Variants in GSN observed in about 807,000 individuals in gnomAD.
GSN encodes actin-depolymerizing factor.
A neutral mutation model predicts 85.7 loss-of-function variants in GSN; 56 were observed. The ratio of observed to expected loss-of-function variants is 0.65; its 90% CI spans 0.53 to 0.82. The LOEUF (loss-of-function observed/expected upper bound fraction) is 0.82. Ranked by LOEUF, GSN falls within the 40% of genes least tolerant of loss-of-function variation. The pLI is 0.00. For missense variants in GSN, 857 were observed against 979.8 expected (o/e 0.87, Z 1.67); for synonymous variants, 373 against 399.1 (o/e 0.93, Z 0.78).
At chr9:121,291,405 T>G (rs575520304) in intron 2 of GSN, among the ~76,000 whole-genome samples, 1 of 145,186 alleles carries the variant, frequency 6.9e-6, no homozygotes, top group Non-Finnish European at 1.5e-5. Flanking sequence ...CTGATATGTC[T>G]CCCCACTGGA....
At chr9:121,295,724 G>T (rs1216744470) in intron 2 of GSN, among the ~76,000 whole-genome samples, 1 of 152,158 alleles carries the variant, frequency 6.6e-6, no homozygotes, top group Non-Finnish European at 1.5e-5. Flanking sequence ...GGGGACATGG[G>T]CTGTACAGCC....
intron 4 of GSN, among the ~76,000 whole-genome samples, chr9:121,228,424 A>ATTT (rs869071386): frequency 1.5e-4 from 7 of 48,116 alleles, no homozygotes; most frequent in South Asian, 9.7e-4. Flanking sequence ...ATATATATAT[A>ATTT]TTTTTTTTTT....
chr9:121,312,488 G>C lies in GSN; in HGVS notation c.663G>C (p.Gln221His). The change falls in exon 6 of 18, where the codon CAG becomes CAC. Residue 221 changes from glutamine (Q) to histidine (H), a missense_variant and splice_region_variant. By Grantham distance (24) the Gln-to-His change is conservative. Transcript: ENST00000432226. ...GCACTGAGCCCGAGGCGATGCTCCA[G>C]GTGCCTGTGGGGTGCGCAATGGGGT... Reference protein sequence around the residue: ...EEGTEPEAMLQVLGPKPALPA... With the variant: ...EEGTEPEAMLHVLGPKPALPA... The C allele has an allele frequency of 3.1e-6, 5 of 1,609,972 alleles. No homozygotes were observed. The highest frequency in any genetic ancestry group is 4.2e-6 in the Non-Finnish European group (5 of 1,177,094).
chr9:121,312,843 G>C (rs1254633023), intron 6 of GSN: 2 of 169,814 alleles, frequency 1.2e-5, no homozygotes, highest in African/African-American at 4.8e-5. Flanking sequence ...GCTCAGGCTG[G>C]TCTCCAACTT....
At chr9:121,238,780 C>A in intron 5 of GSN, 2 of 511,428 alleles carry the variant, frequency 3.9e-6, no homozygotes, top group South Asian at 3.0e-5. Context: ...AAGTTCCTCT[C>A]AAACTTCTGC....
Position 121,310,774 on chromosome 9 carries a change from C to T in GSN, c.442C>T (p.Arg148Cys), listed in dbSNP as rs747805751. 6 of 1,613,980 alleles carry T rather than the reference C, an allele frequency of 3.7e-6. No homozygotes were observed. The highest frequency in any genetic ancestry group is 1.1e-5 in the South Asian group (1 of 91,078). Reference protein sequence around the residue: ...LFQVKGRRVVRATEVPVSWES... With the variant: ...LFQVKGRRVVCATEVPVSWES... ...CCAGGTCAAAGGGCGGCGTGTGGTC[C>T]GTGCCACCGAGGTACCTGTGTCCTG... The change falls in exon 5 of 18, where the codon CGT becomes TGT. Residue 148 changes from arginine to cysteine, a missense_variant. Transcript: ENST00000432226.
chr9:121,247,646 G>A (rs531219339), intron 5 of GSN, among the ~76,000 whole-genome samples: 1 of 152,284 alleles, frequency 6.6e-6, no homozygotes, highest in Non-Finnish European at 1.5e-5. Context: ...ATAGCTGTGG[G>A]TATTCTGTAG....
upstream of GSN, among the ~76,000 whole-genome samples, chr9:121,206,293 G>T (rs1033848718): frequency 6.6e-6 from 1 of 151,974 alleles, no homozygotes; most frequent in African/African-American, 2.4e-5. Flanking sequence ...TATGGCTGTC[G>T]ACATTAACCA....
intron 1 of GSN, among the ~76,000 whole-genome samples, chr9:121,273,150 G>A (rs533772354): frequency 2.0e-5 from 3 of 152,134 alleles, no homozygotes; most frequent in Admixed American, 2.0e-4. Flanking sequence ...ATGGAGCCTC[G>A]CAGGGAACTC....
In GSN at chr9:121,317,075, C is replaced by T. The variant is rs374057474; in HGVS notation, c.754-11C>T. The T allele has an allele frequency of 1.1e-4, 174 of 1,614,114 alleles. No individual in the cohort carries two copies. The highest frequency in any genetic ancestry group is 8.9e-4 in the East Asian group (40 of 44,882). On this transcript the variant is annotated splice_polypyrimidine_tract_variant and intron_variant, in intron 7 of 17. Coordinates refer to ENST00000432226, the MANE Select transcript of GSN (RefSeq NM_198252.3). ...ACTCATGTGCTGGTTCCTTCTGCTT[C>T]GTCCCCTCAGGTCTCCAATGGTGCA... is the stretch of plus-strand genomic sequence containing the variant.
rs1037927898 is a variant in GSN at position 121,219,277 on chromosome 9, T to A, written c.-528+8410T>A. On this transcript the variant is annotated intron_variant, in intron 4 of 24. Coordinates refer to the GSN transcript ENST00000373823. ...TTAGGGGATTTTTTTTTTTTTTTTTTAAATAGAGACTAGTCTCACCATGTT... is the reference window on the plus strand; with the variant it reads ...TTAGGGGATTTTTTTTTTTTTTTTTAAAATAGAGACTAGTCTCACCATGTT... Among the ~76,000 whole-genome samples the A allele has an allele frequency of 2.8e-4, 41 of 145,340 alleles. 2 individuals are homozygous for A. The East Asian group carries it at 4.6e-3, about 16-fold the overall frequency.
At chr9:121,301,393 A>G (rs1334738881) in intron 2 of GSN, among the ~76,000 whole-genome samples, 1 of 152,188 alleles carries the variant, frequency 6.6e-6, no homozygotes, top group East Asian at 1.9e-4. Context: ...TTGGGAGGCC[A>G]AGGCAGGTGG....
chr9:121,313,604 T>C (rs2061405084), intron 6 of GSN: 1 of 389,250 alleles, frequency 2.6e-6, no homozygotes, highest in Non-Finnish European at 4.9e-6. Context: ...GAGGATGCAG[T>C]GACATCTTTT....
intron 2 of GSN, 112 bp from the exon 3 acceptor site, chr9:121,301,851 G>A (rs750663286): frequency 1.3e-6 from 2 of 1,563,752 alleles, no homozygotes; most frequent in Non-Finnish European, 1.7e-6. Context: ...CGTGGGGAGA[G>A]CAGGAGGCTC....
At chr9:121,255,087 T>G (rs1485012898) in intron 6 of GSN, among the ~76,000 whole-genome samples, 1 of 152,166 alleles carries the variant, frequency 6.6e-6, no homozygotes, top group East Asian at 1.9e-4. Context: ...TAGCTGGGAC[T>G]ACAGGCGCCC....
chr9:121,327,198 C>T (rs763796764), intron 13 of GSN, 110 bp from the exon 14 acceptor site: 46 of 924,868 alleles, frequency 5.0e-5, no homozygotes, highest in Middle Eastern at 4.2e-4. Flanking sequence ...GGCTGTGTTC[C>T]TCCAAGTCCC....
At chr9:121,315,109 C>T (rs1267719797) in intron 7 of GSN, among the ~76,000 whole-genome samples, 1 of 152,198 alleles carries the variant, frequency 6.6e-6, no homozygotes, top group African/African-American at 2.4e-5. Context: ...GATCTGCCCA[C>T]CTCAGCCTCC....
intron 6 of GSN, among the ~76,000 whole-genome samples, chr9:121,255,368 T>C (rs184777757): frequency 4.8e-4 from 73 of 152,328 alleles, no homozygotes; most frequent in African/African-American, 1.7e-3. Context: ...TCCCTGGGTA[T>C]CTGGGAGTAG....
At chr9:121,287,128 T>C (rs1173535789) in intron 2 of GSN, among the ~76,000 whole-genome samples, 3 of 152,166 alleles carry the variant, frequency 2.0e-5, no homozygotes, top group Non-Finnish European at 4.4e-5. Flanking sequence ...CCCCTGGGCC[T>C]ATTCTCTTCC....
Sources: allele counts gnomAD v4.1 joint callset (sites outside exome capture counted in the v4.1 genomes callset), GRCh38; gene constraint gnomAD v4.1.1; transcripts MANE v1.5; gene names NCBI Gene and HGNC (gene_info 2026-07-23, HGNC 2026-07-21).